CLMP: variants seen among roughly 807,000 people sequenced by gnomAD.
CLMP encodes the protein CXADR-like membrane protein.
CLMP carries 27 observed loss-of-function variants against 45.2 expected under a neutral mutation model. The observed-to-expected ratio is 0.60, with a 90% CI of 0.44 to 0.82. The LOEUF is 0.82. Among genes scored for constraint, CLMP ranks in the 40% least tolerant of loss-of-function variants. The pLI is 0.00. For missense variants in CLMP, 403 were observed against 448.4 expected (o/e 0.90, Z 0.91); for synonymous variants, 167 against 171.4 (o/e 0.97, Z 0.20).
At chr11:123,187,490 C>T (rs1034147743) in intron 1 of CLMP, among the ~76,000 whole-genome samples, 4 of 152,178 alleles carry the variant, frequency 2.6e-5, no homozygotes, top group Non-Finnish European at 5.9e-5. Context: ...CTTTCCTCCC[C>T]TACCAAGAAA....
chr11:123,191,102 G>T (rs565599401), intron 1 of CLMP, among the ~76,000 whole-genome samples: 60 of 152,252 alleles, frequency 3.9e-4, no homozygotes, highest in African/African-American at 1.4e-3. Context: ...TAAGAAGTTG[G>T]TTTTGTGATT....
intron 5 of CLMP, among the ~76,000 whole-genome samples, chr11:123,080,385 T>C (rs1865791135): frequency 6.7e-6 from 1 of 149,252 alleles, no homozygotes. Context: ...CTGGAGTGAG[T>C]GGCACAATCT....
chr11:123,133,744 G>GCAAC (rs1462966580), intron 1 of CLMP, among the ~76,000 whole-genome samples: 1 of 152,214 alleles, frequency 6.6e-6, no homozygotes, highest in Admixed American at 6.5e-5. Flanking sequence ...GATATGAGAG[G>GCAAC]CAACCTCCTT....
chr11:123,160,702 G>C (rs1861474926), intron 1 of CLMP, among the ~76,000 whole-genome samples: 1 of 151,050 alleles, frequency 6.6e-6, no homozygotes, highest in Non-Finnish European at 1.5e-5. Context: ...AGGGGGAGGG[G>C]TGCAGTGACT....
intron 5 of CLMP, among the ~76,000 whole-genome samples, chr11:123,078,655 T>G (rs1479778149): frequency 1.3e-5 from 2 of 150,338 alleles, no homozygotes; most frequent in Admixed American, 6.6e-5. Flanking sequence ...TTTGTTTTTT[T>G]TTTTTTTGAG....
intron 2 of CLMP, among the ~76,000 whole-genome samples, chr11:123,085,767 ATGTTTTTTTTTTTT>A (rs1354958829): frequency 2.0e-4 from 27 of 133,024 alleles, no homozygotes; most frequent in Non-Finnish European, 2.7e-4. Context: ...CTAATTTTTT[ATGTTTTTTTTTTTT>A]TGTTTTTTTT....
rs548919661 is a variant in CLMP, at chr11:123,123,450, G to C, written c.29-25498C>G. On this transcript the variant is annotated intron_variant, in intron 1 of 6. Transcript: ENST00000448775. ...ATTTTTGAATTTTTGTAGAGACAGT[G>C]CTTCACCATGTTGGCTAGGCTGGTC... Among the ~76,000 whole-genome samples the C allele has an allele frequency of 2.6e-5, 4 of 151,992 alleles. No homozygotes were observed. The East Asian group carries it at 7.8e-4, about 30-fold the overall frequency.
chr11:123,188,320 G>A (rs1018566216), intron 1 of CLMP, among the ~76,000 whole-genome samples: 9 of 152,260 alleles, frequency 5.9e-5, no homozygotes, highest in East Asian at 1.9e-4. Flanking sequence ...CCCGCCATCC[G>A]TGAAATAGAA....
intron 1 of CLMP, among the ~76,000 whole-genome samples, chr11:123,189,900 G>A (rs1406164368): frequency 2.0e-5 from 3 of 151,778 alleles, no homozygotes; most frequent in African/African-American, 7.3e-5. Flanking sequence ...TACTCAGGAG[G>A]CTGAGGCAGG....
chr11:123,179,996 A>T (rs1861748298), intron 1 of CLMP, among the ~76,000 whole-genome samples: 1 of 152,184 alleles, frequency 6.6e-6, no homozygotes, highest in Non-Finnish European at 1.5e-5. Context: ...GCATTTTTAA[A>T]CAAGATCCCC....
chr11:123,127,742 T>C (rs1020043019), intron 1 of CLMP, among the ~76,000 whole-genome samples: 6 of 151,836 alleles, frequency 4.0e-5, no homozygotes, highest in African/African-American at 1.5e-4. Flanking sequence ...GTAGTAGATA[T>C]AAAGAGTAAC....
chr11:123,178,170 C>T (rs1265172331), intron 1 of CLMP, among the ~76,000 whole-genome samples: 1 of 152,142 alleles, frequency 6.6e-6, no homozygotes, highest in Admixed American at 6.6e-5. Flanking sequence ...TGGGCCAAAT[C>T]TTGTTTTTAA....
intron 1 of CLMP, among the ~76,000 whole-genome samples, chr11:123,111,178 T>C (rs1023669646): frequency 1.3e-5 from 2 of 152,090 alleles, no homozygotes; most frequent in East Asian, 1.9e-4. Context: ...TGTGTGTGTG[T>C]GCCTCAGCTG....
Position 123,110,369 on chromosome 11 carries a change from G to A in CLMP, c.29-12417C>T, listed in dbSNP as rs149563500. ...CTTGGGAGGCTGAGATGGGAGAATC[G>A]CTTGAACCCGAGAGGTGGAAGTTGC... On this transcript the variant is annotated intron_variant, in intron 1 of 6. Coordinates refer to ENST00000448775, the MANE Select transcript of CLMP (RefSeq NM_024769.5). Among the ~76,000 whole-genome samples, 75 of 151,652 alleles carry A rather than the reference G, an allele frequency of 4.9e-4. No homozygotes were observed. The East Asian group carries it at 0.014, about 29-fold the overall frequency.
intron 6 of CLMP, 31 bp from the exon 7 acceptor site, chr11:123,073,805 T>C (rs1281554869): frequency 6.5e-7 from 1 of 1,533,628 alleles, no homozygotes; most frequent in South Asian, 1.3e-5. Context: ...AGATTAACAC[T>C]GGCAGATCTG....
intron 1 of CLMP, among the ~76,000 whole-genome samples, chr11:123,145,442 C>A (rs1338035889): frequency 7.1e-6 from 1 of 140,744 alleles, no homozygotes; most frequent in Non-Finnish European, 1.5e-5. Context: ...GTGGGTTCAG[C>A]TCTGCGGCTG....
chr11:123,075,032 C>T (rs148834752), intron 5 of CLMP, among the ~76,000 whole-genome samples, 189 bp from the exon 6 acceptor site: 138 of 150,840 alleles, frequency 9.1e-4, no homozygotes, highest in African/African-American at 3.2e-3. Flanking sequence ...CTCGGCTCAT[C>T]GCAACCTCCA....
At chr11:123,098,537 GT>G (rs1345525399) in intron 1 of CLMP, among the ~76,000 whole-genome samples, 1 of 151,404 alleles carries the variant, frequency 6.6e-6, no homozygotes, top group Admixed American at 6.6e-5. Context: ...CTGTTTGTTT[GT>G]TTGTTTGTTT....
intron 1 of CLMP, among the ~76,000 whole-genome samples, chr11:123,162,415 G>A (rs188561188): frequency 2.0e-5 from 3 of 152,208 alleles, no homozygotes; most frequent in Admixed American, 6.5e-5. Flanking sequence ...AAACAGGAAC[G>A]TGTATAATGT....
Sources: gnomAD v4.1 joint callset for allele counts (sites outside exome capture counted in the v4.1 genomes callset) on GRCh38, gnomAD v4.1.1 for gene constraint, MANE v1.5 for transcripts, NCBI Gene and HGNC (gene_info 2026-07-23, HGNC 2026-07-21) for gene names.